AK5: variants seen among roughly 807,000 people sequenced by gnomAD.
AK5 encodes adenylate kinase 5, also known as adenylate kinase isoenzyme 5.
AK5 carries 27 observed loss-of-function variants against 69.5 expected under a neutral mutation model. The ratio of observed to expected loss-of-function variants is 0.39; its 90% CI spans 0.29 to 0.54. AK5 has a LOEUF of 0.54. Among genes scored for constraint, AK5 ranks in the 20% least tolerant of loss-of-function variants. AK5 has a pLI of 0.71. For synonymous variants in AK5, 260 were observed against 244.4 expected, an observed-to-expected ratio of 1.06 and a Z score of -0.60; for missense variants, 531 against 700.4, an observed-to-expected ratio of 0.76 and a Z score of 2.73.
intron 8 of AK5, among the ~76,000 whole-genome samples, chr1:77,466,339 C>G (rs1654141646): frequency 6.6e-6 from 1 of 152,186 alleles, no homozygotes; most frequent in Non-Finnish European, 1.5e-5. Context: ...TCCTAGAACT[C>G]TATACTTTAT....
At chr1:77,417,896 G>A (rs1466502218) in intron 8 of AK5, 181 bp downstream of exon 8, 1 of 484,522 alleles carries the variant, frequency 2.1e-6, no homozygotes, top group South Asian at 2.5e-5. Flanking sequence ...TGGCTTTTTG[G>A]CACTCCCTTG....
At chr1:77,505,618 G>A (rs1656979158) in intron 10 of AK5, among the ~76,000 whole-genome samples, 1 of 152,082 alleles carries the variant, frequency 6.6e-6, no homozygotes, top group South Asian at 2.1e-4. Context: ...TGTAATCCCG[G>A]CACTTTGAGA....
chr1:77,283,548 G>T, intron 1 of AK5: 1 of 985,364 alleles, frequency 1.0e-6, no homozygotes, highest in Non-Finnish European at 1.2e-6. Context: ...CATAATTACA[G>T]GTCTTCTTTT....
In AK5 at chr1:77,327,233, A is replaced by G. The variant is rs143488995; in HGVS notation, c.700-13144A>G. On this transcript the variant is annotated intron_variant, in intron 5 of 13. Transcript: ENST00000354567. ...AAGACCCTATCTCTACAAATACATAAGTAAATAAATAAACTGGGCATGGTG... is the reference window on the plus strand; with the variant it reads ...AAGACCCTATCTCTACAAATACATAGGTAAATAAATAAACTGGGCATGGTG... 6.6e-3 allele frequency among the ~76,000 whole-genome samples: 1,003 copies of G among 152,184 alleles called. 16 individuals are homozygous for G. Among genetic ancestry groups the G allele is most frequent in the African/African-American group, 0.023 (955 of 41,514 alleles).
At chr1:77,283,111 C>T in intron 1 of AK5, 2 of 985,892 alleles carry the variant, frequency 2.0e-6, no homozygotes, top group Non-Finnish European at 2.4e-6. Flanking sequence ...AGCACAGCAT[C>T]ATCTGCACCG....
chr1:77,479,465 C>G (rs1438939500), intron 8 of AK5, among the ~76,000 whole-genome samples: 1 of 152,144 alleles, frequency 6.6e-6, no homozygotes, highest in Admixed American at 6.5e-5. Context: ...CTTGGCCTCC[C>G]AAAGTGCTGG....
At chr1:77,513,374 C>T (rs993784618) in intron 10 of AK5, among the ~76,000 whole-genome samples, 4 of 152,162 alleles carry the variant, frequency 2.6e-5, no homozygotes, top group Non-Finnish European at 5.9e-5. Flanking sequence ...AGATTGTGAC[C>T]TCTCTGATGG....
At chr1:77,540,997 C>T (rs1222953478) in intron 13 of AK5, among the ~76,000 whole-genome samples, 2 of 152,108 alleles carry the variant, frequency 1.3e-5, no homozygotes, top group African/African-American at 2.4e-5. Context: ...ACCTCCACCT[C>T]CTGGGTTCAA....
At chr1:77,293,191 C>G (rs1658787749) in intron 2 of AK5, among the ~76,000 whole-genome samples, 1 of 152,002 alleles carries the variant, frequency 6.6e-6, no homozygotes, top group African/African-American at 2.4e-5. Flanking sequence ...GTGACAGTAC[C>G]TTAATTTTTT....
chr1:77,521,544 T>C (rs1236539447), intron 11 of AK5, among the ~76,000 whole-genome samples: 3 of 152,120 alleles, frequency 2.0e-5, no homozygotes, highest in Non-Finnish European at 4.4e-5. Context: ...TAATCTAAGA[T>C]GCCAATATTT....
chr1:77,497,771 G>A (rs763141526), intron 10 of AK5, among the ~76,000 whole-genome samples: 16 of 152,004 alleles, frequency 1.1e-4, no homozygotes, highest in African/African-American at 3.1e-4. Flanking sequence ...AGAGTATTTT[G>A]TATTTTCACC....
intron 5 of AK5, among the ~76,000 whole-genome samples, chr1:77,331,932 T>C (rs1179885593): frequency 6.6e-6 from 1 of 152,136 alleles, no homozygotes; most frequent in African/African-American, 2.4e-5. Flanking sequence ...GTTGAGTTTT[T>C]CTAGAAATCT....
Position 77,282,234 on chromosome 1 carries a change from G to GC in AK5, c.-76dup. 7.2e-7 allele frequency: 1 copy of GC among 1,384,946 alleles called. No homozygotes were observed. Among genetic ancestry groups the GC allele is most frequent in the African/African-American group, 1.5e-5 (1 of 68,814 alleles). 85.8% of individuals were successfully genotyped at this position (1,384,946 alleles called of 1,614,324 possible). A position where few individuals can be genotyped will look rare whatever the true frequency, so the allele number is the denominator to read the frequency against. On this transcript the variant is annotated 5_prime_UTR_variant, in exon 1 of 14. Transcript: ENST00000354567. ...CCGCTGCTCGGCGCGGACTCTGCCA[G>GC]CCCCAGCTTCAGCCCCGGCTCAGGT...
intron 8 of AK5, among the ~76,000 whole-genome samples, chr1:77,451,435 A>G (rs1653146590): frequency 2.6e-5 from 4 of 152,176 alleles, no homozygotes; most frequent in Admixed American, 1.3e-4. Context: ...TATTTTCATC[A>G]TTCCCTTATT....
chr1:77,475,698 G>A (rs530073406), intron 8 of AK5, among the ~76,000 whole-genome samples: 211 of 151,226 alleles, frequency 1.4e-3, no homozygotes, highest in African/African-American at 4.8e-3. Context: ...GTTTTACAAG[G>A]AATTAGAAAA....
chr1:77,550,699 C>T (rs1324332678), intron 13 of AK5, among the ~76,000 whole-genome samples: 1 of 152,114 alleles, frequency 6.6e-6, no homozygotes, highest in Admixed American at 6.5e-5. Flanking sequence ...CAGTTATATA[C>T]AAAAAGATAA....
chr1:77,434,325 T>C (rs1651831172), intron 8 of AK5, among the ~76,000 whole-genome samples: 1 of 152,074 alleles, frequency 6.6e-6, no homozygotes, highest in Admixed American at 6.5e-5. Context: ...AGATCTAGCA[T>C]CACTTATCGT....
intron 8 of AK5, among the ~76,000 whole-genome samples, chr1:77,463,659 T>G (rs148810809): frequency 7.2e-5 from 11 of 152,276 alleles, no homozygotes; most frequent in African/African-American, 2.2e-4. Context: ...AGGAACAGTG[T>G]GGAACTGGGT....
intron 12 of AK5, among the ~76,000 whole-genome samples, chr1:77,531,731 G>A (rs1173384994): frequency 2.6e-5 from 4 of 152,182 alleles, no homozygotes; most frequent in Non-Finnish European, 4.4e-5. Flanking sequence ...GGCCACAGGT[G>A]GAGCTGCCTG....
Sources: allele counts gnomAD v4.1 joint callset (sites outside exome capture counted in the v4.1 genomes callset), GRCh38; gene constraint gnomAD v4.1.1; transcripts MANE v1.5; gene names NCBI Gene and HGNC (gene_info 2026-07-23, HGNC 2026-07-21).